The following HEXA variants were observed in gnomAD, a reference collection of about 807,000 sequenced individuals.
The protein encoded by HEXA is hexosaminidase subunit alpha.
Under a neutral mutation model 73.3 loss-of-function variants are expected in HEXA, and 54 were observed. The observed-to-expected ratio is 0.74, with a 90% CI of 0.59 to 0.92. The LOEUF is 0.92. Among genes scored for constraint, HEXA ranks in the 40% least tolerant of loss-of-function variants. The probability of loss-of-function intolerance (pLI) is 0.00; values close to 1 mark genes in which losing one functional copy is unlikely to be tolerated. For synonymous variants in HEXA, 230 were observed against 246.9 expected (o/e 0.93, Z 0.64); for missense variants, 649 against 653.0 (o/e 0.99, Z 0.07).
chr15:72,345,458 C>T lies in HEXA; in HGVS notation c.1514G>A (p.Cys505Tyr). 6 of 1,614,220 alleles carry T rather than the reference C, an allele frequency of 3.7e-6. No homozygotes were observed. Among genetic ancestry groups the T allele is most frequent in the Non-Finnish European group, 5.1e-6 (6 of 1,180,034 alleles). Residue 505 changes from cysteine to tyrosine, a missense_variant, in exon 13 of 14, where the codon TGT becomes TAT. Physicochemically the swap from Cys to Tyr is radical, Grantham distance 194 (BLOSUM62 -2). Transcript: ENST00000268097. ...ACAGCTTGCTTACCTCAGCAATTCA[C>T]AGCGGAAGTGTGACAAACGTTCATA... ...FAYERLSHFR[C>Y]ELLRRGVQAQ...
At chr15:72,365,422 C>T (rs1245617969) in intron 1 of HEXA, among the ~76,000 whole-genome samples, 1 of 152,152 alleles carries the variant, frequency 6.6e-6, no homozygotes, top group Non-Finnish European at 1.5e-5. Context: ...TTTAAAGTTA[C>T]TTTTCTTTTA....
intron 1 of HEXA, among the ~76,000 whole-genome samples, chr15:72,371,445 A>G (rs1250038749): frequency 6.6e-6 from 1 of 151,968 alleles, no homozygotes; most frequent in East Asian, 1.9e-4. Flanking sequence ...CATCTCTACA[A>G]AAATTAGCTA....
rs2140320821 is a variant in HEXA at position 72,346,686 on chromosome 15, C to T, written c.1171G>A (p.Val391Met). The part of the protein sequence containing the change: ...VKIQPDTIIQ[V>M]WREDIPVNYM... The stretch of plus-strand genomic sequence containing the variant: ...TTCACTGGAATATCCTCTCGCCACA[C>T]CTGTATGATTGTGTCTGGCTGAATC... The change falls in exon 11 of 14, where the codon GTG (valine) becomes ATG (methionine). Residue 391 changes from valine (V) to methionine (M), a missense_variant. Coordinates refer to ENST00000268097, the MANE Select transcript of HEXA (RefSeq NM_000520.6). The T allele has an allele frequency of 6.2e-7, 1 of 1,614,132 alleles. No homozygotes were observed. Among genetic ancestry groups the T allele is most frequent in the Non-Finnish European group, 8.5e-7 (1 of 1,180,028 alleles).
Position 72,367,552 on chromosome 15 carries a change from C to A in HEXA, c.253+8168G>T, listed in dbSNP as rs1210201023. Among the ~76,000 whole-genome samples, 3 of 152,198 alleles carry A rather than the reference C, an allele frequency of 2.0e-5. No individual in the cohort carries two copies. The East Asian group carries it at 5.8e-4, about 29-fold the overall frequency. ...GCCTCTAATCCCACTCTACAGCAAG[C>A]CCCAATGTAGCTAGAGTTTAGTCAC... On this transcript the variant is annotated intron_variant, in intron 1 of 13. Coordinates refer to ENST00000268097, the MANE Select transcript of HEXA (RefSeq NM_000520.6).
In HEXA at chr15:72,343,063, T is replaced by G. The variant is rs894278029; in HGVS notation, c.*1014A>C. The G allele has an allele frequency of 6.6e-6, 1 of 151,996 alleles. No homozygotes were observed. Among genetic ancestry groups the G allele is most frequent in the Non-Finnish European group, 1.5e-5 (1 of 68,050 alleles). 9.4% of individuals were successfully genotyped at this position (151,996 alleles called of 1,614,324 possible). A position where few individuals can be genotyped will look rare whatever the true frequency, so the allele number is the denominator to read the frequency against. ...GGAGAAACCCCATCTCTACTAAAAA[T>G]ACAAAAAATTAGCCGGGCGTGGTGG... On this transcript the variant is annotated 3_prime_UTR_variant, in exon 14 of 14. Transcript: ENST00000268097.
At chr15:72,365,017 G>C (rs2088898030) in intron 1 of HEXA, among the ~76,000 whole-genome samples, 1 of 151,526 alleles carries the variant, frequency 6.6e-6, no homozygotes, top group Non-Finnish European at 1.5e-5. Context: ...GTAGAGACAG[G>C]GTCTCACTAT....
chr15:72,375,725 A>C lies in HEXA; in HGVS notation c.248T>G (p.Leu83Arg), dbSNP rs1477850542. Reference protein sequence around the residue: ...FGSGSWPRPYLTGKRHTLEKN... With the variant: ...FGSGSWPRPYRTGKRHTLEKN... ...GCGGGACAAGTCCGACTCACCTGTG[A>C]GGTAAGGACGGGGCCAAGACCCGGA... The change falls in exon 1 of 14, where the codon CTC becomes CGC. Residue 83 changes from leucine to arginine, a missense_variant. Transcript: ENST00000268097. The C allele has an allele frequency of 6.2e-7, 1 of 1,614,112 alleles. No homozygotes were observed. The highest frequency in any genetic ancestry group is 1.3e-5 in the African/African-American group (1 of 75,056).
intron 1 of HEXA, among the ~76,000 whole-genome samples, chr15:72,373,100 C>T (rs2089014749): frequency 6.6e-6 from 1 of 152,110 alleles, no homozygotes; most frequent in African/African-American, 2.4e-5. Context: ...CACTGAACTC[C>T]AGCCTAGGTG....
intron 7 of HEXA, among the ~76,000 whole-genome samples, chr15:72,349,821 T>C (rs2088671967): frequency 6.6e-6 from 1 of 152,174 alleles, no homozygotes; most frequent in Non-Finnish European, 1.5e-5. Flanking sequence ...TGGAGTACAG[T>C]GGCATGATCT....
chr15:72,366,515 T>C (rs2088918153), intron 1 of HEXA, among the ~76,000 whole-genome samples: 1 of 152,172 alleles, frequency 6.6e-6, no homozygotes, highest in South Asian at 2.1e-4. Flanking sequence ...TTCACCACAT[T>C]AGCCAAGCTG....
chr15:72,355,697 T>C, intron 2 of HEXA, 73 bp from the exon 3 acceptor site: 4 of 1,014,060 alleles, frequency 3.9e-6, no homozygotes, highest in Non-Finnish European at 6.3e-6. Context: ...AGATATTCTA[T>C]ATAAATCACT....
rs2089057551 is a variant in HEXA, at chr15:72,375,804, C to G, written c.169G>C (p.Gly57Arg). 6.2e-7 allele frequency: 1 copy of G among 1,614,224 alleles called. No individual in the cohort carries two copies. Among genetic ancestry groups the G allele is most frequent in the Non-Finnish European group, 8.5e-7 (1 of 1,180,040 alleles). Residue 57 changes from glycine to arginine, a missense_variant, in exon 1 of 14, where the codon GGC becomes CGC. Physicochemically the swap from Gly to Arg is moderately radical, Grantham distance 125. Coordinates refer to ENST00000268097, the MANE Select transcript of HEXA (RefSeq NM_000520.6). ...QYDVSSAAQP[G>R]CSVLDEAFQR... ...AAGGCCTCGTCGAGGACTGAGCAGC[C>G]GGGCTGCGCGGCCGAGCTGACATCG...
intron 13 of HEXA, among the ~76,000 whole-genome samples, chr15:72,344,876 T>A (rs1376971657): frequency 1.3e-5 from 2 of 152,208 alleles, no homozygotes; most frequent in African/African-American, 4.8e-5. Context: ...TGTCATGACA[T>A]CCTGTAAGTC....
chr15:72,362,065 T>G (rs1027082556), intron 1 of HEXA, among the ~76,000 whole-genome samples: 5 of 152,204 alleles, frequency 3.3e-5, no homozygotes, highest in African/African-American at 1.2e-4. Context: ...CATAAGAAAA[T>G]GCCTTGTCTT....
intron 5 of HEXA, chr15:72,351,456 C>A: frequency 1.7e-6 from 1 of 605,034 alleles, no homozygotes. Context: ...AGAACACATC[C>A]AAAGATGGAT....
intron 1 of HEXA, among the ~76,000 whole-genome samples, chr15:72,364,873 G>A (rs951626842): frequency 2.7e-5 from 4 of 146,950 alleles, no homozygotes; most frequent in Non-Finnish European, 4.5e-5. Flanking sequence ...CCAGGCTGGA[G>A]TGCAGTGGCA....
intron 5 of HEXA, among the ~76,000 whole-genome samples, chr15:72,352,721 T>C (rs2088716436): frequency 6.6e-6 from 1 of 151,656 alleles, no homozygotes; most frequent in Non-Finnish European, 1.5e-5. Context: ...TGGAGTGCAG[T>C]GGCGTGATCT....
rs200545840 is a variant in HEXA at position 72,366,311 on chromosome 15, AT to A, written c.253+9408del. On this transcript the variant is annotated intron_variant, in intron 1 of 13. Transcript: ENST00000268097. ...TCCTGATCACTTCTTTATTCACTTA[AT>A]TTTTTTTTTTTTTTGAGATGGAGTC... Among the ~76,000 whole-genome samples the A allele has an allele frequency of 2.8e-3, 399 of 142,512 alleles. 2 individuals carry two copies. The highest frequency in any genetic ancestry group is 0.027 in the East Asian group (135 of 4,968). 93.5% of individuals were successfully genotyped at this position (142,512 alleles called of 152,430 possible).
chr15:72,353,067 C>T lies in HEXA; in HGVS notation c.570+1G>A, dbSNP rs786204754. ...TGAAGAAGGCCTTAAGGCCTGGTTACCAGAGTGTCCAGGATGCTAGAGAGT... is the reference window on the plus strand; with the variant it reads ...TGAAGAAGGCCTTAAGGCCTGGTTATCAGAGTGTCCAGGATGCTAGAGAGT... On this transcript the variant is annotated splice_donor_variant, in intron 5 of 13. Coordinates refer to ENST00000268097, the MANE Select transcript of HEXA (RefSeq NM_000520.6). LOFTEE classifies it high-confidence loss of function. The T allele has an allele frequency of 6.3e-7, 1 of 1,587,706 alleles. No individual in the cohort carries two copies. Among genetic ancestry groups the T allele is most frequent in the Non-Finnish European group, 8.7e-7 (1 of 1,155,924 alleles).
Sources: allele counts gnomAD v4.1 joint callset (sites outside exome capture counted in the v4.1 genomes callset), GRCh38; gene constraint gnomAD v4.1.1; transcripts MANE v1.5; gene names NCBI Gene and HGNC (gene_info 2026-07-23, HGNC 2026-07-21).